Variants in SPAG9 observed in about 807,000 individuals in gnomAD.
SPAG9 encodes sperm associated antigen 9.
SPAG9 carries 35 observed loss-of-function variants against 166.5 expected under a neutral mutation model. The ratio of observed to expected loss-of-function variants is 0.21; its 90% CI spans 0.16 to 0.28. The LOEUF (loss-of-function observed/expected upper bound fraction) is 0.28, where lower values mean the gene tolerates loss of function less well. SPAG9 is among the 10% of genes least tolerant of loss of function. SPAG9 has a pLI of 1.00. For synonymous variants in SPAG9, 534 were observed against 565.5 expected (o/e 0.94, Z 0.79); for missense variants, 1,235 against 1,603.3 (o/e 0.77, Z 3.92).
chr17:51,093,578 C>T (rs1392224744), intron 1 of SPAG9, among the ~76,000 whole-genome samples: 2 of 151,434 alleles, frequency 1.3e-5, no homozygotes, highest in South Asian at 4.2e-4. Context: ...GCCTCTAGTC[C>T]CTGCTACTCG....
chr17:51,013,570 G>C (rs773652029), intron 9 of SPAG9, among the ~76,000 whole-genome samples: 1 of 152,060 alleles, frequency 6.6e-6, no homozygotes, highest in Non-Finnish European at 1.5e-5. Context: ...GCCCATAAGC[G>C]GCAGTTTGCC....
chr17:51,053,855 G>GTATGTA (rs1555650770), intron 3 of SPAG9, among the ~76,000 whole-genome samples: 5 of 37,760 alleles, frequency 1.3e-4, no homozygotes, highest in African/African-American at 4.2e-4. Context: ...AAAAAAAAAA[G>GTATGTA]TATATATATA....
intron 18 of SPAG9, 65 bp from the exon 19 acceptor site, chr17:50,994,000 GCTGTTA>G: frequency 2.2e-6 from 3 of 1,388,750 alleles, no homozygotes; most frequent in Non-Finnish European, 3.0e-6. Context: ...ATAAGGTGGT[GCTGTTA>G]CAGTAAAAGG....
At chr17:51,063,194 A>C (rs946445826) in intron 2 of SPAG9, among the ~76,000 whole-genome samples, 5 of 152,082 alleles carry the variant, frequency 3.3e-5, no homozygotes, top group Non-Finnish European at 7.4e-5. Flanking sequence ...GTATCACCTG[A>C]GGTCAGGAGT....
chr17:51,034,957 A>G (rs1418304674), intron 5 of SPAG9, among the ~76,000 whole-genome samples: 1 of 152,226 alleles, frequency 6.6e-6, no homozygotes, highest in Non-Finnish European at 1.5e-5. Flanking sequence ...GTCATGAAAG[A>G]CAAGACAAGA....
chr17:51,054,990 G>A (rs2047321963), intron 3 of SPAG9, among the ~76,000 whole-genome samples: 1 of 152,138 alleles, frequency 6.6e-6, no homozygotes, highest in Non-Finnish European at 1.5e-5. Flanking sequence ...AATGCAATGT[G>A]TGGTGGGGTT....
intron 8 of SPAG9, among the ~76,000 whole-genome samples, chr17:51,017,830 A>AG (rs2045767278): frequency 6.6e-6 from 1 of 152,162 alleles, no homozygotes; most frequent in Non-Finnish European, 1.5e-5. Context: ...TTTATAAATG[A>AG]GAAAACATAC....
intron 21 of SPAG9, among the ~76,000 whole-genome samples, chr17:50,988,254 C>T (rs901098318): frequency 2.0e-5 from 3 of 152,044 alleles, no homozygotes; most frequent in East Asian, 1.9e-4. Flanking sequence ...CCATTTATGC[C>T]GGAGGTTGCA....
chr17:51,063,910 G>A (rs957059705), intron 2 of SPAG9, among the ~76,000 whole-genome samples: 3 of 151,794 alleles, frequency 2.0e-5, no homozygotes, highest in Admixed American at 6.6e-5. Context: ...AAGTAAGTAA[G>A]TAAGTAAGTA....
intron 2 of SPAG9, among the ~76,000 whole-genome samples, chr17:51,076,750 CAGAA>C (rs1335142840): frequency 1.3e-5 from 2 of 151,126 alleles, no homozygotes; most frequent in South Asian, 2.1e-4. Flanking sequence ...AAAAAAAAGA[CAGAA>C]AGAAAACTTT....
At chr17:51,030,607 T>C (rs1386964378) in intron 6 of SPAG9, among the ~76,000 whole-genome samples, 3 of 152,196 alleles carry the variant, frequency 2.0e-5, no homozygotes, top group Non-Finnish European at 4.4e-5. Flanking sequence ...GAGTTTCAAA[T>C]AATTTGACTC....
intron 5 of SPAG9, among the ~76,000 whole-genome samples, chr17:51,041,071 G>C (rs904278851): frequency 1.3e-5 from 2 of 152,034 alleles, no homozygotes; most frequent in African/African-American, 4.8e-5. Context: ...TCTATGAAGC[G>C]GTTTTAAAGA....
chr17:51,038,660 T>C, intron 5 of SPAG9, among the ~76,000 whole-genome samples: 1 of 152,104 alleles, frequency 6.6e-6, no homozygotes, highest in East Asian at 1.9e-4. Flanking sequence ...TGCCATCTCA[T>C]CTTCCTCAAC....
rs1387699612 is a variant in SPAG9, at chr17:50,962,751, T to G, written c.*3521A>C. 2 of 152,232 alleles carry G rather than the reference T, an allele frequency of 1.3e-5. No individual in the cohort carries two copies. Among genetic ancestry groups the G allele is most frequent in the African/African-American group, 4.8e-5 (2 of 41,452 alleles). The allele number at this position is 152,232 out of a possible 1,614,324, so 9.4% of individuals were successfully genotyped here. Reference sequence around the variant, plus strand: ...ACAGTTAATATTATGACACATCTGTTTTATTTTGTTACTAAGGCAGCCTAT... The same window carrying G: ...ACAGTTAATATTATGACACATCTGTGTTATTTTGTTACTAAGGCAGCCTAT... On this transcript the variant is annotated 3_prime_UTR_variant, in exon 30 of 30. Coordinates refer to ENST00000262013, the MANE Select transcript of SPAG9 (RefSeq NM_001130528.3).
In SPAG9 at chr17:50,977,180, G is replaced by C; in HGVS notation, c.3451C>G (p.Leu1151Val). The change falls in exon 27 of 30, where the codon CTT becomes GTT. Residue 1151 changes from leucine (L) to valine (V), a missense_variant. Coordinates refer to ENST00000262013, the MANE Select transcript of SPAG9 (RefSeq NM_001130528.3). ...CACAAACGATTACAAGACACCATAA[G>C]AGCTGTAATTCTCACAAAAGAGAAG... ...LGFSFVRITA[L>V]MVSCNRLWVG... The C allele has an allele frequency of 6.2e-7, 1 of 1,613,684 alleles. No individual in the cohort carries two copies. The highest frequency in any genetic ancestry group is 8.5e-7 in the Non-Finnish European group (1 of 1,179,786).
chr17:50,990,584 G>C lies in SPAG9; in HGVS notation c.2483C>G (p.Thr828Arg), dbSNP rs1355366618. Reference protein sequence around the residue: ...VDKASLCGSMTSNSSAETDSL... With the variant: ...VDKASLCGSMRSNSSAETDSL... ...GTCTGTCTCTGCTGAGCTGTTGCTT[G>C]TCATACTTCCACATAAAGATGCTTT... Residue 828 changes from threonine (T) to arginine (R), a missense_variant, in exon 20 of 30, where the codon ACA becomes AGA. Around this residue, in one of 6 missense-constraint regions of SPAG9, gnomAD observed 493 missense variants for 559.4 expected, o/e 0.88. Transcript: ENST00000262013. 1.9e-6 allele frequency: 3 copies of C among 1,614,174 alleles called. No individual in the cohort carries two copies. In the East Asian group the frequency reaches 6.7e-5, roughly 36 times the overall value.
At chr17:51,056,577 A>G in intron 2 of SPAG9, 95 bp from the exon 3 acceptor site, 1 of 730,666 alleles carries the variant, frequency 1.4e-6, no homozygotes, top group Non-Finnish European at 2.4e-6. Context: ...CATAATCCTT[A>G]GCAACTTTCA....
intron 1 of SPAG9, among the ~76,000 whole-genome samples, chr17:51,088,356 A>T (rs2048355538): frequency 2.0e-5 from 3 of 152,240 alleles, no homozygotes; most frequent in African/African-American, 7.2e-5. Flanking sequence ...CATGTTAAAT[A>T]TAAAACTAAA....
intron 3 of SPAG9, among the ~76,000 whole-genome samples, chr17:51,048,291 T>A (rs563988700): frequency 1.3e-5 from 2 of 151,916 alleles, no homozygotes; most frequent in Non-Finnish European, 2.9e-5. Flanking sequence ...AATTAAGACA[T>A]AAAATCAAAA....
Sources: gnomAD v4.1 joint callset for allele counts (sites outside exome capture counted in the v4.1 genomes callset) on GRCh38, gnomAD v4.1.1 for gene constraint, gnomAD v4.1.1 regional missense constraint, MANE v1.5 for transcripts, NCBI Gene and HGNC (gene_info 2026-07-23, HGNC 2026-07-21) for gene names.